The following PLA2R1 variants were observed in gnomAD, a reference collection of about 807,000 sequenced individuals.
PLA2R1 encodes the protein secretory phospholipase A2 receptor.
PLA2R1 carries 158 observed loss-of-function variants against 195.9 expected under a neutral mutation model. The observed-to-expected ratio is 0.81, with a 90% CI of 0.71 to 0.92. The LOEUF (loss-of-function observed/expected upper bound fraction) is 0.92, where lower values mean the gene tolerates loss of function less well. PLA2R1 is among the 40% of genes least tolerant of loss of function. The pLI is 0.00. For missense variants in PLA2R1, 1,626 were observed against 1,764.6 expected (o/e 0.92, Z 1.41); for synonymous variants, 586 against 598.2 (o/e 0.98, Z 0.30).
rs138606467 is a variant in PLA2R1, at chr2:160,009,981, A to G, written c.1664+3282T>C. 1.2e-3 allele frequency among the ~76,000 whole-genome samples: 187 copies of G among 152,220 alleles called. 2 individuals are homozygous for G. In the East Asian group the frequency reaches 0.029, roughly 24 times the overall value. ...AAAAATTAGCCAGGCATGGTGGTAC[A>G]TGCCTGTAGTCCCAACTACTTGGGG... On this transcript the variant is annotated intron_variant, in intron 10 of 29. Transcript: ENST00000283243.
chr2:160,019,491 A>G (rs865849373), intron 8 of PLA2R1, among the ~76,000 whole-genome samples: 3 of 152,070 alleles, frequency 2.0e-5, no homozygotes, highest in Non-Finnish European at 2.9e-5. Context: ...CCCTAAGTCA[A>G]CTCTGGTGTA....
chr2:160,005,922 T>A (rs1225691807), intron 10 of PLA2R1, 101 bp from the exon 11 acceptor site: 3 of 758,560 alleles, frequency 4.0e-6, no homozygotes, highest in Non-Finnish European at 6.8e-6. Flanking sequence ...AGAGTAAGCA[T>A]TTCTCATCAA....
At chr2:159,942,668 G>A (rs1006593882) in intron 28 of PLA2R1, among the ~76,000 whole-genome samples, 8 of 152,182 alleles carry the variant, frequency 5.3e-5, no homozygotes, top group Non-Finnish European at 2.9e-5. Context: ...GATCTCATGG[G>A]TCTTGGGGAA....
At chr2:160,037,937 C>T (rs1339866399) in intron 3 of PLA2R1, among the ~76,000 whole-genome samples, 1 of 152,178 alleles carries the variant, frequency 6.6e-6, no homozygotes, top group Non-Finnish European at 1.5e-5. Context: ...AGGGCAGGCA[C>T]TATGACTTTC....
chr2:160,026,085 A>G (rs1693508096), intron 6 of PLA2R1, among the ~76,000 whole-genome samples: 1 of 152,212 alleles, frequency 6.6e-6, no homozygotes, highest in African/African-American at 2.4e-5. Flanking sequence ...TAAGATAACC[A>G]TTTTACTATC....
the PLA2R1 span, among the ~76,000 whole-genome samples, chr2:159,924,575 A>G: frequency 6.6e-6 from 1 of 152,198 alleles, no homozygotes; most frequent in Non-Finnish European, 1.5e-5. Context: ...AAAGATTCAT[A>G]AAAATGAAAT....
intron 20 of PLA2R1, among the ~76,000 whole-genome samples, chr2:159,962,710 A>G (rs1688528790): frequency 6.6e-6 from 1 of 152,232 alleles, no homozygotes; most frequent in Admixed American, 6.5e-5. Flanking sequence ...AGCCATAAAA[A>G]AGGATGAGTT....
At chr2:159,981,259 A>C (rs1211800722) in intron 13 of PLA2R1, among the ~76,000 whole-genome samples, 2 of 152,030 alleles carry the variant, frequency 1.3e-5, no homozygotes, top group Non-Finnish European at 2.9e-5. Context: ...TTAATAAAAT[A>C]GAAATAGAAA....
chr2:159,943,068 C>T (rs942410698), intron 28 of PLA2R1, among the ~76,000 whole-genome samples: 2 of 150,810 alleles, frequency 1.3e-5, no homozygotes, highest in Non-Finnish European at 2.9e-5. Context: ...GCCCTGGGTT[C>T]AAGCAATTCT....
At chr2:159,962,312 T>C (rs1688502624) in intron 20 of PLA2R1, among the ~76,000 whole-genome samples, 2 of 152,118 alleles carry the variant, frequency 1.3e-5, no homozygotes. Context: ...ATTAGAGAAA[T>C]GCAAATCAAA....
chr2:160,053,887 T>C (rs977293017), intron 1 of PLA2R1, among the ~76,000 whole-genome samples: 4 of 152,168 alleles, frequency 2.6e-5, no homozygotes, highest in Non-Finnish European at 5.9e-5. Flanking sequence ...AATTCAAAGA[T>C]AGAAATGATT....
At chr2:159,969,218 T>G (rs761465750) in intron 19 of PLA2R1, 38 bp downstream of exon 19, 1 of 997,540 alleles carries the variant, frequency 1.0e-6, no homozygotes, top group Non-Finnish European at 1.6e-6. Flanking sequence ...AAATTATCAG[T>G]TTGTATTATA....
At chr2:160,046,032 A>G (rs1694842482) in intron 1 of PLA2R1, among the ~76,000 whole-genome samples, 1 of 152,260 alleles carries the variant, frequency 6.6e-6, no homozygotes, top group Non-Finnish European at 1.5e-5. Flanking sequence ...GTTAGCTGCC[A>G]GCCTGCTACC....
chr2:159,956,778 G>A (rs1688120964), intron 20 of PLA2R1, 151 bp from the exon 21 acceptor site: 2 of 594,110 alleles, frequency 3.4e-6, no homozygotes, highest in African/African-American at 3.7e-5. Flanking sequence ...CTCCAAAGGT[G>A]TTACAGTAAA....
Position 159,967,567 on chromosome 2 carries a change from G to A in PLA2R1, c.2876C>T (p.Pro959Leu). 1.2e-6 allele frequency: 2 copies of A among 1,613,438 alleles called. No individual in the cohort carries two copies. Among genetic ancestry groups the A allele is most frequent in the South Asian group, 2.2e-5 (2 of 91,018 alleles). ...ATAGTTAAAATATAGCCATCCTTTG[G>A]GACACGTTCCATGTTGTTTTGGTGT... The part of the protein sequence containing the change: ...KDTPKQHGTC[P>L]KGWLYFNYKC... Residue 959 changes from proline (P) to leucine (L), a missense_variant, in exon 20 of 30, where the codon CCC becomes CTC. Transcript: ENST00000283243.
chr2:160,047,239 G>A (rs952397499), intron 1 of PLA2R1, among the ~76,000 whole-genome samples: 5 of 152,088 alleles, frequency 3.3e-5, no homozygotes, highest in African/African-American at 1.2e-4. Flanking sequence ...TCCTTGAACT[G>A]GGAATATGTA....
intron 20 of PLA2R1, among the ~76,000 whole-genome samples, chr2:159,966,062 G>A (rs542685857): frequency 6.6e-6 from 1 of 152,146 alleles, no homozygotes; most frequent in Non-Finnish European, 1.5e-5. Flanking sequence ...GTAAAATGAG[G>A]ATAGTAATTC....
At chr2:159,958,744 G>A (rs1198530730) in intron 20 of PLA2R1, among the ~76,000 whole-genome samples, 3 of 152,190 alleles carry the variant, frequency 2.0e-5, no homozygotes, top group Non-Finnish European at 4.4e-5. Context: ...AATGCCTGCA[G>A]ATATTTTTCA....
At chr2:160,020,605 C>A (rs1275148284) in intron 7 of PLA2R1, among the ~76,000 whole-genome samples, 2 of 152,210 alleles carry the variant, frequency 1.3e-5, no homozygotes, top group East Asian at 3.9e-4. Flanking sequence ...GGGAATGGTA[C>A]TGGTGGCTTT....
Sources: gnomAD v4.1 joint callset for allele counts (sites outside exome capture counted in the v4.1 genomes callset) on GRCh38, gnomAD v4.1.1 for gene constraint, MANE v1.5 for transcripts, NCBI Gene and HGNC (gene_info 2026-07-23, HGNC 2026-07-21) for gene names.